The following NAV2 variants were observed in gnomAD, a reference collection of about 807,000 sequenced individuals.
NAV2 encodes helicase, APC down-regulated 1.
A neutral mutation model predicts 223.2 loss-of-function variants in NAV2; 54 were observed. The ratio of observed to expected loss-of-function variants is 0.24; its 90% confidence interval spans 0.19 to 0.30. The LOEUF (loss-of-function observed/expected upper bound fraction) is 0.30. Ranked by LOEUF, NAV2 falls within the 10% of genes least tolerant of loss-of-function variation. NAV2 has a pLI of 1.00. For synonymous variants in NAV2, 1,279 were observed against 1,239.3 expected, an observed-to-expected ratio of 1.03 and a Z score of -0.67; for missense variants, 2,806 against 3,147.5, an observed-to-expected ratio of 0.89 and a Z score of 2.60.
At chr11:19,504,996 C>T (rs2043079157) in intron 1 of NAV2, 1 of 152,284 alleles carries the variant, frequency 6.6e-6, no homozygotes, top group Non-Finnish European at 1.5e-5. Flanking sequence ...GAGTTCGAGA[C>T]TGAAACCCAG....
chr11:19,745,960 C>T (rs554719580), intron 1 of NAV2, among the ~76,000 whole-genome samples: 6 of 152,242 alleles, frequency 3.9e-5, no homozygotes, highest in Admixed American at 2.6e-4. Context: ...CAGGGCTGAC[C>T]GTATTTACTA....
intron 22 of NAV2, among the ~76,000 whole-genome samples, chr11:20,070,565 G>A (rs1274458756): frequency 6.6e-6 from 1 of 152,146 alleles, no homozygotes; most frequent in Non-Finnish European, 1.5e-5. Context: ...ATCCAGTATT[G>A]TTTTAAAGTA....
At chr11:19,999,058 G>C (rs2052264493) in intron 11 of NAV2, among the ~76,000 whole-genome samples, 1 of 152,196 alleles carries the variant, frequency 6.6e-6, no homozygotes, top group Non-Finnish European at 1.5e-5. Flanking sequence ...GTGATGCAGG[G>C]CTGATGTGCA....
chr11:19,370,863 G>A (rs1848445731), intron 1 of NAV2, among the ~76,000 whole-genome samples: 1 of 152,156 alleles, frequency 6.6e-6, no homozygotes, highest in Non-Finnish European at 1.5e-5. Flanking sequence ...CAGCCAGCTG[G>A]GCTCTCCAAT....
chr11:19,383,404 A>C (rs1296890134), intron 1 of NAV2, among the ~76,000 whole-genome samples: 3 of 152,204 alleles, frequency 2.0e-5, no homozygotes, highest in African/African-American at 7.2e-5. Flanking sequence ...GCATTAAACT[A>C]TGATGTAAGC....
chr11:19,965,914 C>T (rs1158754316), intron 10 of NAV2, among the ~76,000 whole-genome samples: 26 of 152,198 alleles, frequency 1.7e-4, no homozygotes, highest in Admixed American at 1.7e-3. Context: ...AGAGTTATTC[C>T]AGAGTTTGTT....
Position 19,444,099 on chromosome 11 carries a change from C to T in NAV2, c.75+93072C>T, listed in dbSNP as rs987456462. Among the ~76,000 whole-genome samples the T allele has an allele frequency of 3.3e-5, 5 of 152,104 alleles. No homozygotes were observed. In the East Asian group the frequency reaches 7.7e-4, roughly 23 times the overall value. On this transcript the variant is annotated intron_variant, in intron 1 of 37. Coordinates refer to the NAV2 transcript ENST00000360655. ...ATAGGCACCAGCCACCATGACACCA[C>T]GACTGGCTAATTTTTGTATTTTTAG...
At chr11:19,923,144 A>G (rs942983362) in intron 6 of NAV2, among the ~76,000 whole-genome samples, 1 of 152,014 alleles carries the variant, frequency 6.6e-6, no homozygotes, top group Admixed American at 6.6e-5. Flanking sequence ...TCCCTTTTTA[A>G]TTGTCCTCGT....
chr11:19,645,755 T>C (rs1332667650), intron 1 of NAV2, among the ~76,000 whole-genome samples: 1 of 152,104 alleles, frequency 6.6e-6, no homozygotes, highest in African/African-American at 2.4e-5. Flanking sequence ...CCATTACTTT[T>C]AATGGTAATG....
intron 1 of NAV2, among the ~76,000 whole-genome samples, chr11:19,461,973 T>TA (rs201204844): frequency 6.6e-6 from 1 of 151,552 alleles, no homozygotes; most frequent in South Asian, 2.1e-4. Context: ...ACCTGGCTAA[T>TA]TTTTTGTGTG....
intron 1 of NAV2, among the ~76,000 whole-genome samples, chr11:19,763,022 T>C (rs2054897127): frequency 2.0e-5 from 3 of 152,218 alleles, no homozygotes; most frequent in African/African-American, 7.2e-5. Context: ...CACTTGTATT[T>C]ACCTGCAATC....
chr11:19,742,236 C>T (rs184181141), intron 1 of NAV2, among the ~76,000 whole-genome samples: 1 of 152,342 alleles, frequency 6.6e-6, no homozygotes, highest in African/African-American at 2.4e-5. Context: ...CAAATACTGG[C>T]TCTACCACTT....
intron 1 of NAV2, among the ~76,000 whole-genome samples, chr11:19,602,043 T>C (rs957554217): frequency 2.6e-5 from 4 of 152,224 alleles, no homozygotes; most frequent in African/African-American, 7.2e-5. Context: ...ACACTCTGAT[T>C]GGCCCAGCTT....
At chr11:19,433,220 G>A (rs1167776274) in intron 1 of NAV2, among the ~76,000 whole-genome samples, 2 of 152,266 alleles carry the variant, frequency 1.3e-5, no homozygotes, top group East Asian at 1.9e-4. Context: ...ACTGAAAAAT[G>A]GAATGTTTGT....
intron 1 of NAV2, among the ~76,000 whole-genome samples, chr11:19,599,080 G>T (rs868431458): frequency 6.6e-6 from 1 of 152,186 alleles, no homozygotes. Context: ...GGCCACCCAC[G>T]TTTGGAGGTG....
chr11:19,625,664 C>G (rs1454509248), intron 1 of NAV2, among the ~76,000 whole-genome samples: 1 of 152,150 alleles, frequency 6.6e-6, no homozygotes, highest in Non-Finnish European at 1.5e-5. Flanking sequence ...TTCGTTCCCA[C>G]CAAAAATGTA....
Position 19,713,414 on chromosome 11 carries a change from G to T in NAV2, c.-282G>T. ...CAGCCCCTGAGCGCCCAGAGCTCTT[G>T]AAAGGCCACCCAGGAGAGGTGTGAG... On this transcript the variant is annotated 5_prime_UTR_variant, in exon 1 of 38. The change abolishes the stop of an existing upstream ORF in the 5' untranslated region. Coordinates refer to ENST00000349880, the MANE Select transcript of NAV2 (RefSeq NM_145117.5). The surrounding 1 kb of genome is among the most constrained non-coding windows in gnomAD (Gnocchi z 7.2). The T allele has an allele frequency of 8.1e-7, 1 of 1,229,838 alleles. No individual in the cohort carries two copies. The highest frequency in any genetic ancestry group is 3.3e-5 in the East Asian group (1 of 30,508). The allele number at this position is 1,229,838 out of a possible 1,614,324, so 76.2% of individuals were successfully genotyped here.
intron 11 of NAV2, among the ~76,000 whole-genome samples, chr11:20,033,585 C>A (rs2056012848): frequency 6.6e-6 from 1 of 152,106 alleles, no homozygotes; most frequent in African/African-American, 2.4e-5. Flanking sequence ...CACAATAAGC[C>A]CCTTTTGAGC....
rs373590626 is a variant in NAV2, at chr11:20,044,042, A to G, written c.2969A>G (p.Lys990Arg). ...TCCCTGTGGTCTGGTGATGATGTCA[A>G]GAAATCAGACGGAGGCTCAGACAGC... is the stretch of plus-strand genomic sequence containing the variant. ...RNSLWSGDDV[K>R]KSDGGSDSGI... Residue 990 changes from lysine (K) to arginine (R), a missense_variant, in exon 13 of 38, where the codon AAG becomes AGG. Physicochemically the swap from Lys to Arg is conservative, Grantham distance 26 (BLOSUM62 2). Transcript: ENST00000349880. 2.8e-5 allele frequency: 46 copies of G among 1,614,086 alleles called. No individual in the cohort carries two copies. Among genetic ancestry groups the G allele is most frequent in the Non-Finnish European group, 3.7e-5 (44 of 1,180,034 alleles).
Sources: gnomAD v4.1 joint callset for allele counts (sites outside exome capture counted in the v4.1 genomes callset) on GRCh38, gnomAD v4.1.1 for gene constraint, Gnocchi (gnomAD v3.1) non-coding constraint, MANE v1.5 for transcripts, NCBI Gene and HGNC (gene_info 2026-07-23, HGNC 2026-07-21) for gene names.